The following ASXL1 variants were observed in gnomAD, a reference collection of about 807,000 sequenced individuals.
ASXL1 encodes polycomb group protein ASXL1.
Under a neutral mutation model 89.1 loss-of-function variants are expected in ASXL1, and 65 were observed. The observed-to-expected ratio is 0.73, with a 90% CI of 0.60 to 0.90. ASXL1 has a LOEUF of 0.90. Among genes scored for constraint, ASXL1 ranks in the 40% least tolerant of loss-of-function variants. The pLI is 0.00. For synonymous variants in ASXL1, 739 were observed against 746.9 expected, an observed-to-expected ratio of 0.99 and a Z score of 0.17; for missense variants, 1,786 against 1,942.9, an observed-to-expected ratio of 0.92 and a Z score of 1.52.
chr20:32,400,734 C>T (rs2048858351), intron 4 of ASXL1, among the ~76,000 whole-genome samples: 2 of 152,188 alleles, frequency 1.3e-5, no homozygotes, highest in South Asian at 2.1e-4. Flanking sequence ...GAGCTGAGCT[C>T]GCTGTCTTCA....
At chr20:32,370,165 T>C (rs1296990737) in intron 4 of ASXL1, among the ~76,000 whole-genome samples, 1 of 152,080 alleles carries the variant, frequency 6.6e-6, no homozygotes. Context: ...AAAGTAAGAG[T>C]ACTTAAATCA....
intron 1 of ASXL1, among the ~76,000 whole-genome samples, chr20:32,364,664 C>T (rs1226039990): frequency 1.3e-5 from 2 of 152,206 alleles, no homozygotes; most frequent in Non-Finnish European, 2.9e-5. Flanking sequence ...TCAGTCTCAG[C>T]TGAGACTATA....
Position 32,433,633 on chromosome 20 carries a change from C to G in ASXL1, c.1435C>G (p.Pro479Ala). ...CTCTGCAGCACCCGACCTGGAGGGT[C>G]CCGAATTCCCAGTTGAGTCTGTGGC... ...TSSAAPDLEG[P>A]EFPVESVASR... Residue 479 changes from proline (P) to alanine (A), a missense_variant, in exon 12 of 13, where the codon CCC (proline) becomes GCC (alanine). By Grantham distance (27) the Pro-to-Ala change is conservative. Transcript: ENST00000375687. 2 of 1,612,902 alleles carry G rather than the reference C, an allele frequency of 1.2e-6. No homozygotes were observed. The highest frequency in any genetic ancestry group is 1.7e-4 in the Middle Eastern group (1 of 6,058).
chr20:32,410,632 G>A (rs1250459984), intron 4 of ASXL1, among the ~76,000 whole-genome samples: 1 of 152,098 alleles, frequency 6.6e-6, no homozygotes, highest in Non-Finnish European at 1.5e-5. Context: ...GTGAAACTTC[G>A]GGTAGAGGGC....
chr20:32,436,081 A>G lies in ASXL1; in HGVS notation c.3369A>G (p.Pro1123=). The stretch of plus-strand genomic sequence containing the variant: ...GCTTGCCCCTAGAGAAGGTTCTTCC[A>G]CCAGCCCACGATGACAGCATGTCAG... ...QGSLPLEKVL[P]PAHDDSMSES... Residue 1123 remains proline (P), a synonymous_variant, in exon 13 of 13, where the codon CCA becomes CCG. Transcript: ENST00000375687. The G allele has an allele frequency of 6.2e-7, 1 of 1,614,194 alleles. No homozygotes were observed. Among genetic ancestry groups the G allele is most frequent in the South Asian group, 1.1e-5 (1 of 91,088 alleles).
chr20:32,434,778 C>G lies in ASXL1; in HGVS notation c.2066C>G (p.Ser689Ter), dbSNP rs1387681483. 1.2e-6 allele frequency: 2 copies of G among 1,613,700 alleles called. No individual in the cohort carries two copies. The highest frequency in any genetic ancestry group is 1.7e-6 in the Non-Finnish European group (2 of 1,179,990). ...CCGAGCACCCCTGGAAAGTGTACGT[C>G]AGATCTACAGCGAACACAACTACTG... ...GGPSTPGKCT[S>*]DLQRTQLLPP... is the part of the protein sequence containing the mutation. The change falls in exon 13 of 13, where the codon TCA (serine) becomes TGA (stop). Residue 689 changes from serine (S) to a stop codon, truncating the protein, a stop_gained. Coordinates refer to ENST00000375687, the MANE Select transcript of ASXL1 (RefSeq NM_015338.6). LOFTEE classifies it low-confidence loss of function (END_TRUNC).
chr20:32,389,101 G>C (rs1052426694), intron 4 of ASXL1, among the ~76,000 whole-genome samples: 4 of 151,828 alleles, frequency 2.6e-5, no homozygotes, highest in African/African-American at 9.7e-5. Context: ...CCTCTATTCA[G>C]ATTTTTCATA....
intron 4 of ASXL1, among the ~76,000 whole-genome samples, chr20:32,413,976 G>A (rs2123122043): frequency 6.6e-6 from 1 of 152,302 alleles, no homozygotes. Context: ...CTAGATTGTT[G>A]GTTGGGCTCA....
Position 32,358,726 on chromosome 20 carries a change from G to A in ASXL1, c.-50G>A. ...CAGCCCCGCGCCACCGCCCCAGCCCGCCCAGCCCGGAGGTCCCGCGTGGAG... is the reference window on the plus strand; with the variant it reads ...CAGCCCCGCGCCACCGCCCCAGCCCACCCAGCCCGGAGGTCCCGCGTGGAG... On this transcript the variant is annotated 5_prime_UTR_variant, in exon 1 of 13. Transcript: ENST00000375687. 2.2e-6 allele frequency: 1 copy of A among 459,978 alleles called. No homozygotes were observed. The highest frequency in any genetic ancestry group is 4.0e-6 in the Non-Finnish European group (1 of 249,658). 28.5% of individuals were successfully genotyped at this position (459,978 alleles called of 1,614,324 possible).
chr20:32,369,261 T>G lies in ASXL1; in HGVS notation c.252+138T>G, dbSNP rs2048257203. The G allele has an allele frequency of 4.8e-6, 4 of 834,548 alleles. No homozygotes were observed. The South Asian group carries it at 5.7e-5, about 12-fold the overall frequency. 51.7% of individuals were successfully genotyped at this position (834,548 alleles called of 1,614,324 possible). On this transcript the variant is annotated intron_variant, in intron 4 of 12. Coordinates refer to ENST00000375687, the MANE Select transcript of ASXL1 (RefSeq NM_015338.6). ...TCAGGTGACACTGATGTTTTTCTTTTTTTTAGACATAGTCTCGCTGTGTCA... is the reference window on the plus strand; with the variant it reads ...TCAGGTGACACTGATGTTTTTCTTTGTTTTAGACATAGTCTCGCTGTGTCA...
chr20:32,421,408 G>A (rs535324508), intron 4 of ASXL1, among the ~76,000 whole-genome samples: 1 of 152,076 alleles, frequency 6.6e-6, no homozygotes, highest in South Asian at 2.1e-4. Flanking sequence ...TTCAAATAAT[G>A]GTGAGGATTT....
intron 1 of ASXL1, among the ~76,000 whole-genome samples, chr20:32,362,482 A>C (rs1382662967): frequency 6.6e-6 from 1 of 151,850 alleles, no homozygotes; most frequent in Non-Finnish European, 1.5e-5. Context: ...TAAAAATACA[A>C]AAAATTAGCC....
intron 1 of ASXL1, chr20:32,359,850 G>A (rs2048080917): frequency 4.2e-6 from 3 of 717,420 alleles, no homozygotes; most frequent in African/African-American, 1.7e-5. Context: ...AGACATATTC[G>A]GGTAATTATC....
rs750330626 is a variant in ASXL1 at position 32,435,325 on chromosome 20, A to C, written c.2613A>C (p.Ser871=). 1 of 1,614,196 alleles carries C rather than the reference A, an allele frequency of 6.2e-7. No homozygotes were observed. The highest frequency in any genetic ancestry group is 2.2e-5 in the East Asian group (1 of 44,886). The change falls in exon 13 of 13, where the codon TCA becomes TCC. Residue 871 remains serine (S), a synonymous_variant. Coordinates refer to ENST00000375687, the MANE Select transcript of ASXL1 (RefSeq NM_015338.6). ...ATGACGAATTAGGGCTTGGTGGCTCATGCCCTCCTATGAGGGAAAGTGATA... is the reference window on the plus strand; with the variant it reads ...ATGACGAATTAGGGCTTGGTGGCTCCTGCCCTCCTATGAGGGAAAGTGATA... ...AFDDELGLGG[S]CPPMRESDTR... is the part of the protein sequence containing the mutation.
At chr20:32,387,732 A>G (rs753737679) in intron 4 of ASXL1, among the ~76,000 whole-genome samples, 1 of 151,984 alleles carries the variant, frequency 6.6e-6, no homozygotes, top group Admixed American at 6.6e-5. Flanking sequence ...TTGCTTCTCC[A>G]TTTGTTTCTC....
At chr20:32,408,348 T>C (rs2048989955) in intron 4 of ASXL1, among the ~76,000 whole-genome samples, 1 of 152,194 alleles carries the variant, frequency 6.6e-6, no homozygotes, top group South Asian at 2.1e-4. Context: ...TTGAATAGCT[T>C]TGGTGCCTTT....
chr20:32,424,548 A>T (rs1337654910), intron 4 of ASXL1, among the ~76,000 whole-genome samples: 1 of 152,160 alleles, frequency 6.6e-6, no homozygotes, highest in Non-Finnish European at 1.5e-5. Flanking sequence ...AAAACAAACA[A>T]AAAAACTGCC....
chr20:32,394,221 C>T (rs934621262), intron 4 of ASXL1, among the ~76,000 whole-genome samples: 1 of 152,192 alleles, frequency 6.6e-6, no homozygotes, highest in Admixed American at 6.5e-5. Flanking sequence ...CCAGGCTGGT[C>T]TCAAATTCCT....
intron 4 of ASXL1, among the ~76,000 whole-genome samples, chr20:32,426,718 C>G (rs911079648): frequency 1.3e-5 from 2 of 151,618 alleles, no homozygotes; most frequent in Admixed American, 6.6e-5. Context: ...TGCCACCACA[C>G]CTGGCTAATT....
Sources: gnomAD v4.1 joint callset for allele counts (sites outside exome capture counted in the v4.1 genomes callset) on GRCh38, gnomAD v4.1.1 for gene constraint, MANE v1.5 for transcripts, NCBI Gene and HGNC (gene_info 2026-07-23, HGNC 2026-07-21) for gene names.